ERBB4: variants seen among roughly 807,000 people sequenced by gnomAD.
The protein encoded by ERBB4 is receptor tyrosine-protein kinase erbB-4.
Under a neutral mutation model 158.0 loss-of-function variants are expected in ERBB4, and 42 were observed. The ratio of observed to expected loss-of-function variants is 0.27; its 90% CI spans 0.21 to 0.34. The LOEUF is 0.34. ERBB4 is among the 10% of genes least tolerant of loss of function. ERBB4 has a pLI of 1.00. For missense variants in ERBB4, 1,333 were observed against 1,624.1 expected, an observed-to-expected ratio of 0.82 and a Z score of 3.08; for synonymous variants, 583 against 558.7, an observed-to-expected ratio of 1.04 and a Z score of -0.61.
At chr2:211,608,013 A>G (rs1001099383) in intron 19 of ERBB4, among the ~76,000 whole-genome samples, 4 of 151,832 alleles carry the variant, frequency 2.6e-5, no homozygotes, top group African/African-American at 9.7e-5. Context: ...GGCATAAGCC[A>G]CCATGCTCAG....
At chr2:212,422,809 G>A (rs1365085704) in intron 1 of ERBB4, among the ~76,000 whole-genome samples, 3 of 151,982 alleles carry the variant, frequency 2.0e-5, no homozygotes, top group African/African-American at 7.3e-5. Flanking sequence ...AAATTAGTGT[G>A]GTCCCAAATT....
At chr2:212,130,643 A>C (rs1427023168) in intron 1 of ERBB4, among the ~76,000 whole-genome samples, 2 of 152,174 alleles carry the variant, frequency 1.3e-5, no homozygotes, top group Non-Finnish European at 2.9e-5. Context: ...GAATTAAAAA[A>C]AGAGAATTAC....
chr2:211,955,117 AC>A (rs1339865974), intron 2 of ERBB4, among the ~76,000 whole-genome samples: 5 of 152,206 alleles, frequency 3.3e-5, no homozygotes, highest in African/African-American at 9.6e-5. Flanking sequence ...CTACTTACAT[AC>A]TGCGTGAAAT....
intron 20 of ERBB4, among the ~76,000 whole-genome samples, chr2:211,447,025 C>T (rs1359780479): frequency 2.0e-5 from 3 of 152,060 alleles, no homozygotes; most frequent in African/African-American, 7.2e-5. Context: ...AAGCAACATT[C>T]ACAAGTCATG....
chr2:211,533,274 T>C (rs574115856), intron 20 of ERBB4, among the ~76,000 whole-genome samples: 5 of 152,144 alleles, frequency 3.3e-5, no homozygotes, highest in African/African-American at 1.2e-4. Flanking sequence ...TTTCCTGTTA[T>C]GAATTATATA....
At chr2:211,878,298 C>A (rs2078565313) in intron 3 of ERBB4, among the ~76,000 whole-genome samples, 1 of 151,790 alleles carries the variant, frequency 6.6e-6, no homozygotes, top group Non-Finnish European at 1.5e-5. Context: ...TAGGCCTAAA[C>A]AACTAAAGAA....
intron 1 of ERBB4, among the ~76,000 whole-genome samples, chr2:212,290,000 T>C (rs892526478): frequency 6.6e-6 from 1 of 152,154 alleles, no homozygotes; most frequent in African/African-American, 2.4e-5. Context: ...TACTTTATTA[T>C]AAAAATGTCA....
intron 20 of ERBB4, among the ~76,000 whole-genome samples, chr2:211,525,024 C>T (rs976661867): frequency 5.9e-5 from 9 of 152,198 alleles, no homozygotes; most frequent in Admixed American, 3.9e-4. Context: ...CAAAGGAGAA[C>T]TCACCATCCT....
intron 16 of ERBB4, among the ~76,000 whole-genome samples, chr2:211,634,015 T>TG (rs1317440022): frequency 6.6e-6 from 1 of 152,042 alleles, no homozygotes; most frequent in Non-Finnish European, 1.5e-5. Flanking sequence ...AAAAATCAGC[T>TG]GGGCGTGGTG....
rs1256039347 is a variant in ERBB4 at position 211,593,026 on chromosome 2, AAGGGCCCTTCT to A, written c.2301+26140_2301+26150del. Among the ~76,000 whole-genome samples, 731 of 151,578 alleles carry A rather than the reference AAGGGCCCTTCT, an allele frequency of 4.8e-3. 7 individuals carry two copies. The highest frequency in any genetic ancestry group is 0.017 in the African/African-American group (706 of 41,192). ...AGACTCCATCTCAAAAAAAAAAAAG[AAGGGCCCTTCT>A]GCACACTGAAGGGGCTTGCTCCATC... On this transcript the variant is annotated intron_variant, in intron 19 of 27. Coordinates refer to ENST00000342788, the MANE Select transcript of ERBB4 (RefSeq NM_005235.3).
intron 4 of ERBB4, among the ~76,000 whole-genome samples, chr2:211,785,316 T>C (rs2076134788): frequency 6.6e-6 from 1 of 152,116 alleles, no homozygotes; most frequent in African/African-American, 2.4e-5. Flanking sequence ...TTAGCCAGGA[T>C]GGTCTCGCTC....
chr2:212,063,699 T>C (rs990839434), intron 2 of ERBB4, among the ~76,000 whole-genome samples: 1 of 151,980 alleles, frequency 6.6e-6, no homozygotes, highest in Non-Finnish European at 1.5e-5. Context: ...CAAAACCTAA[T>C]AAAATCAACG....
At chr2:212,305,725 A>G (rs1388154649) in intron 1 of ERBB4, among the ~76,000 whole-genome samples, 2 of 151,500 alleles carry the variant, frequency 1.3e-5, no homozygotes, top group Non-Finnish European at 3.0e-5. Context: ...CTTGATAAAA[A>G]TACATTTTAA....
At chr2:212,401,238 A>G (rs1328854282) in intron 1 of ERBB4, among the ~76,000 whole-genome samples, 1 of 152,180 alleles carries the variant, frequency 6.6e-6, no homozygotes, top group Non-Finnish European at 1.5e-5. Context: ...GTCTTGAACG[A>G]GACTTAACTA....
In ERBB4 at chr2:211,540,216, A is replaced by ACACG. The variant is rs1413001715; in HGVS notation, c.2487+21686_2487+21687insCGTG. ...TATATATATATATATACACACACAC[A>ACACG]TATATATAATACATATCACATATTC... On this transcript the variant is annotated intron_variant, in intron 20 of 27. Coordinates refer to ENST00000342788, the MANE Select transcript of ERBB4 (RefSeq NM_005235.3). Among the ~76,000 whole-genome samples, 3 of 151,338 alleles carry ACACG rather than the reference A, an allele frequency of 2.0e-5. No individual in the cohort carries two copies. The East Asian group carries it at 5.8e-4, about 29-fold the overall frequency.
intron 2 of ERBB4, among the ~76,000 whole-genome samples, chr2:211,996,682 C>A (rs1236475817): frequency 6.6e-6 from 1 of 152,126 alleles, no homozygotes; most frequent in Non-Finnish European, 1.5e-5. Context: ...ATTACTCAGG[C>A]CTTCGGTTTG....
At chr2:212,227,136 CT>C (rs1292967540) in intron 1 of ERBB4, among the ~76,000 whole-genome samples, 2 of 151,520 alleles carry the variant, frequency 1.3e-5, no homozygotes, top group Non-Finnish European at 2.9e-5. Context: ...ATCCCAGCTA[CT>C]TGGTGGCTGA....
chr2:212,280,164 T>C (rs1332410061), intron 1 of ERBB4, among the ~76,000 whole-genome samples: 1 of 151,626 alleles, frequency 6.6e-6, no homozygotes, highest in African/African-American at 2.4e-5. Context: ...TAAAAGGTTG[T>C]ACCTCATTAC....
At chr2:212,058,522 A>G (rs1194663191) in intron 2 of ERBB4, among the ~76,000 whole-genome samples, 1 of 152,212 alleles carries the variant, frequency 6.6e-6, no homozygotes, top group Non-Finnish European at 1.5e-5. Flanking sequence ...CCTGATGAAC[A>G]TCAATGCAAA....
Sources: allele counts gnomAD v4.1 joint callset (sites outside exome capture counted in the v4.1 genomes callset), GRCh38; gene constraint gnomAD v4.1.1; transcripts MANE v1.5; gene names NCBI Gene and HGNC (gene_info 2026-07-23, HGNC 2026-07-21).